MESP1: variants seen among roughly 807,000 people sequenced by gnomAD.
The protein encoded by MESP1 is mesoderm posterior bHLH transcription factor 1.
In MESP1, 22 loss-of-function variants were observed where a neutral mutation model predicts 15.2. The observed-to-expected ratio is 1.45, with a 90% confidence interval of 1.04 to 2.07. The LOEUF (loss-of-function observed/expected upper bound fraction) is 2.07. MESP1 is among the 30% of genes most tolerant of loss of function. The probability of loss-of-function intolerance (pLI) is 0.00; values close to 1 mark genes in which losing one functional copy is unlikely to be tolerated. For missense variants in MESP1, 484 were observed against 411.9 expected, an observed-to-expected ratio of 1.17 and a Z score of -1.51; for synonymous variants, 216 against 192.6, an observed-to-expected ratio of 1.12 and a Z score of -1.01.
Position 89,750,822 on chromosome 15 carries a change from G to A in MESP1, c.410C>T (p.Ser137Leu). 3 of 1,530,684 alleles carry A rather than the reference G, an allele frequency of 2.0e-6. No individual in the cohort carries two copies. Among genetic ancestry groups the A allele is most frequent in the East Asian group, 2.7e-5 (1 of 37,300 alleles). The allele number at this position is 1,530,684 out of a possible 1,614,324, so 94.8% of individuals were successfully genotyped here. ...CTCCTCGCTGAGGCCTAGCACGGCC[G>A]ACAGGTGGCCGATATAGCGGATAGC... ...RLAIRYIGHL[S>L]AVLGLSEESL... Residue 137 changes from serine (S) to leucine (L), a missense_variant, in exon 1 of 2, where the codon TCG (serine) becomes TTG (leucine). Coordinates refer to ENST00000300057, the MANE Select transcript of MESP1 (RefSeq NM_018670.4).
intron 1 of MESP1, 106 bp downstream of exon 1, chr15:89,750,403 C>T: frequency 6.9e-7 from 1 of 1,455,140 alleles, no homozygotes; most frequent in Non-Finnish European, 9.1e-7. Flanking sequence ...GCCAGGTGGC[C>T]AGGCTGCCGG....
the MESP1 span, chr15:89,737,732 A>G: frequency 6.2e-7 from 1 of 1,614,168 alleles, no homozygotes; most frequent in South Asian, 1.1e-5. Flanking sequence ...GCTCCGAGGT[A>G]CAGAAAGGGA....
downstream of MESP1, chr15:89,748,875 G>A (rs1298588806): frequency 1.3e-5 from 2 of 152,182 alleles, no homozygotes; most frequent in African/African-American, 4.8e-5. Context: ...GTTGTTAAAA[G>A]AGTGAATTTT....
At chr15:89,738,193 G>A in the MESP1 span, 1 of 1,613,718 alleles carries the variant, frequency 6.2e-7, no homozygotes, top group Admixed American at 1.7e-5. Context: ...CTTCCCCCAA[G>A]CACTGCCACT....
In MESP1 at chr15:89,750,984, T is replaced by C; in HGVS notation, c.248A>G (p.Gln83Arg). ...GARSSRLGSG[Q>R]RQSASEREKL... ...CTCCCGCTCACTGGCGCTCTGCCTC[T>C]GCCCGCTGCCCAGGCGGCTGCTGCG... The change falls in exon 1 of 2, where the codon CAG (glutamine) becomes CGG (arginine). Residue 83 changes from glutamine to arginine, a missense_variant. Coordinates refer to ENST00000300057, the MANE Select transcript of MESP1 (RefSeq NM_018670.4). 1.4e-6 allele frequency: 2 copies of C among 1,405,680 alleles called. No individual in the cohort carries two copies. The highest frequency in any genetic ancestry group is 3.1e-5 in the South Asian group (2 of 65,200). The allele number at this position is 1,405,680 out of a possible 1,614,324, so 87.1% of individuals were successfully genotyped here.
Position 89,750,963 on chromosome 15 carries a change from C to A in MESP1, c.269G>T (p.Arg90Leu), listed in dbSNP as rs992979045. The change falls in exon 1 of 2, where the codon CGG becomes CTG. Residue 90 changes from arginine (R) to leucine (L), a missense_variant. Transcript: ENST00000300057. ...CAGCGTGCGCATGCGCAGTTTCTCCCGCTCACTGGCGCTCTGCCTCTGCCC... is the reference window on the plus strand; with the variant it reads ...CAGCGTGCGCATGCGCAGTTTCTCCAGCTCACTGGCGCTCTGCCTCTGCCC... ...GSGQRQSASEREKLRMRTLAR... is the reference protein window; with the variant it reads ...GSGQRQSASELEKLRMRTLAR... 2 of 1,437,132 alleles carry A rather than the reference C, an allele frequency of 1.4e-6. No individual in the cohort carries two copies. The highest frequency in any genetic ancestry group is 6.0e-5 in the East Asian group (2 of 33,110). The allele number at this position is 1,437,132 out of a possible 1,614,324, so 89.0% of individuals were successfully genotyped here.
the MESP1 span, chr15:89,738,285 G>A: frequency 6.6e-7 from 1 of 1,514,130 alleles, no homozygotes; most frequent in African/African-American, 1.4e-5. Flanking sequence ...GGTTGTCTCT[G>A]GATTGAGGGA....
downstream of MESP1, among the ~76,000 whole-genome samples, chr15:89,744,985 A>C (rs1596142281): frequency 6.6e-6 from 1 of 152,190 alleles, no homozygotes; most frequent in East Asian, 1.9e-4. Context: ...GGGCTGCGGC[A>C]GGTGTCCATC....
At chr15:89,747,866 G>A (rs1042882455), downstream of MESP1, among the ~76,000 whole-genome samples, 2 of 152,218 alleles carry the variant, frequency 1.3e-5, no homozygotes, top group South Asian at 2.1e-4. Flanking sequence ...CCTGGACGCT[G>A]GCTACTGTTG....
At chr15:89,735,583 C>G in the MESP1 span, 1 of 1,600,182 alleles carries the variant, frequency 6.2e-7, no homozygotes, top group African/African-American at 1.3e-5. Context: ...CTGTAAATGC[C>G]CCATGCCTCT....
the MESP1 span, among the ~76,000 whole-genome samples, chr15:89,735,935 A>T: frequency 1.3e-5 from 2 of 152,206 alleles, no homozygotes; most frequent in Non-Finnish European, 2.9e-5. Flanking sequence ...CCATGGAGGC[A>T]AGAGAGCACC....
At chr15:89,737,018 C>T in the MESP1 span, among the ~76,000 whole-genome samples, 1 of 152,180 alleles carries the variant, frequency 6.6e-6, no homozygotes, top group Admixed American at 6.5e-5. Context: ...GTCTCGATCT[C>T]CTGACCTCGT....
the MESP1 span, among the ~76,000 whole-genome samples, chr15:89,742,174 G>C: frequency 8.5e-5 from 13 of 152,126 alleles, no homozygotes; most frequent in African/African-American, 3.1e-4. Context: ...ATCACTTGAC[G>C]CCAGGAGTTC....
At chr15:89,742,531 T>C in the MESP1 span, among the ~76,000 whole-genome samples, 1 of 151,960 alleles carries the variant, frequency 6.6e-6, no homozygotes, top group Non-Finnish European at 1.5e-5. Flanking sequence ...TTTAAACAAC[T>C]CTTACTTTTT....
chr15:89,733,241 C>T, the MESP1 span: 166 of 1,602,730 alleles, frequency 1.0e-4, 1 homozygote, highest in South Asian at 9.1e-4. Flanking sequence ...GAGGGTGGGA[C>T]GGGGTAAATA....
chr15:89,738,150 T>C, the MESP1 span: 13,635 of 1,614,184 alleles, frequency 8.4e-3, 1,055 homozygotes, highest in African/African-American at 0.16. Flanking sequence ...CAAAAAATTG[T>C]ACCATTCCTC....
chr15:89,733,594 A>G, the MESP1 span, among the ~76,000 whole-genome samples: 1,175 of 152,268 alleles, frequency 7.7e-3, 11 homozygotes, highest in Non-Finnish European at 0.013. Flanking sequence ...ATTAATGGGT[A>G]TCATGGGAGT....
chr15:89,737,793 A>T, the MESP1 span: 10 of 1,595,814 alleles, frequency 6.3e-6, no homozygotes, highest in Non-Finnish European at 7.7e-6. Flanking sequence ...TCTCACAAAC[A>T]GAGAGAGCCC....
At chr15:89,748,139 G>A (rs1968007702), downstream of MESP1, among the ~76,000 whole-genome samples, 1 of 152,240 alleles carries the variant, frequency 6.6e-6, no homozygotes, top group East Asian at 1.9e-4. Context: ...TCTGTGAAAA[G>A]ACTTGCTAAT....
Sources: allele counts gnomAD v4.1 joint callset (sites outside exome capture counted in the v4.1 genomes callset), GRCh38; gene constraint gnomAD v4.1.1; transcripts MANE v1.5; gene names NCBI Gene and HGNC (gene_info 2026-07-23, HGNC 2026-07-21).